The following DHX38 variants were observed in gnomAD, a reference collection of about 807,000 sequenced individuals.
DHX38 encodes pre-mRNA-splicing factor ATP-dependent RNA helicase PRP16.
DHX38 carries 100 observed loss-of-function variants against 153.1 expected under a neutral mutation model. That is an observed-to-expected ratio of 0.65 (90% CI 0.56 to 0.77). DHX38 has a LOEUF of 0.77. Ranked by LOEUF, DHX38 falls within the 30% of genes least tolerant of loss-of-function variation. DHX38 has a pLI of 0.00. For missense variants in DHX38, 1,440 were observed against 1,654.0 expected (o/e 0.87, Z 2.24); for synonymous variants, 650 against 631.7 (o/e 1.03, Z -0.43).
Position 72,096,451 on chromosome 16 carries a change from C to T in DHX38, c.294C>T (p.Asp98=). Reference sequence around the variant, plus strand: ...AGGATGCTGAGGAAGAGGGCGGTGACCAGGCTGGCCAAAATATCCGGAAAG... The same window carrying T: ...AGGATGCTGAGGAAGAGGGCGGTGATCAGGCTGGCCAAAATATCCGGAAAG... ...DQKDAEEEGG[D]QAGQNIRKDR... The change falls in exon 2 of 27, where the codon GAC becomes GAT. Residue 98 remains aspartate, a synonymous_variant. Coordinates refer to ENST00000268482, the MANE Select transcript of DHX38 (RefSeq NM_014003.4). 3 of 1,613,186 alleles carry T rather than the reference C, an allele frequency of 1.9e-6. No individual in the cohort carries two copies. The highest frequency in any genetic ancestry group is 2.5e-6 in the Non-Finnish European group (3 of 1,179,672).
rs768558787 is a variant in DHX38, at chr16:72,106,109, G to C, written c.2592G>C (p.Gln864His). The C allele has an allele frequency of 6.2e-7, 1 of 1,614,144 alleles. No homozygotes were observed. The highest frequency in any genetic ancestry group is 8.5e-7 in the Non-Finnish European group (1 of 1,180,020). Residue 864 changes from glutamine to histidine, a missense_variant, in exon 19 of 27, where the codon CAG becomes CAC. By Grantham distance (24) the Gln-to-His change is conservative (BLOSUM62 0). Around this residue, in one of 6 missense-constraint regions of DHX38, gnomAD observed 543 missense variants for 717.9 expected, o/e 0.76. Transcript: ENST00000268482. ...SGRAGRTGPG[Q>H]CFRLYTQSAY... ...GAGCCGGCAGGACGGGCCCAGGTCAGTGTTTCAGGTAGGAGCCCTGTGCTA... is the reference window on the plus strand; with the variant it reads ...GAGCCGGCAGGACGGGCCCAGGTCACTGTTTCAGGTAGGAGCCCTGTGCTA...
chr16:72,107,783 T>C lies in DHX38; in HGVS notation c.2948T>C (p.Ile983Thr), dbSNP rs2144170828. ...LIVSMLSVPAIFYRPKGREEE... is the reference protein window; with the variant it reads ...LIVSMLSVPATFYRPKGREEE... ...GTTTCCATGCTCTCGGTCCCAGCCA[T>C]CTTCTACAGGCCCAAGGTGGGGCAG... The change falls in exon 21 of 27, where the codon ATC (isoleucine) becomes ACC (threonine). Residue 983 changes from isoleucine to threonine, a missense_variant. Coordinates refer to ENST00000268482, the MANE Select transcript of DHX38 (RefSeq NM_014003.4). The surrounding 1 kb of genome is among the most constrained non-coding windows in gnomAD (Gnocchi z 5.3). 6.2e-7 allele frequency: 1 copy of C among 1,613,812 alleles called. No individual in the cohort carries two copies. The highest frequency in any genetic ancestry group is 1.7e-5 in the Admixed American group (1 of 60,016).
chr16:72,104,131 G>T lies in DHX38; in HGVS notation c.2010G>T (p.Glu670Asp), dbSNP rs1163604909. Residue 670 changes from glutamate to aspartate, a missense_variant and splice_region_variant, in exon 14 of 27, where the codon GAG (glutamate) becomes GAT (aspartate). Around this residue, in one of 6 missense-constraint regions of DHX38, gnomAD observed 543 missense variants for 717.9 expected, o/e 0.76. Transcript: ENST00000268482. This position sits in a 1 kb window ranked among gnomAD's most constrained non-coding sequence, Gnocchi z 4.5. ...NTDVLFGLLR[E>D]VVARRSDLKL... ...ACGTGCTCTTTGGGCTGCTCCGGGAGGTGAGGGCTGTGTGGTTTGGTCTCT... is the reference window on the plus strand; with the variant it reads ...ACGTGCTCTTTGGGCTGCTCCGGGATGTGAGGGCTGTGTGGTTTGGTCTCT... 6.2e-7 allele frequency: 1 copy of T among 1,613,406 alleles called. No homozygotes were observed. Among genetic ancestry groups the T allele is most frequent in the East Asian group, 2.2e-5 (1 of 44,848 alleles).
chr16:72,101,655 A>G, intron 11 of DHX38, 43 bp downstream of exon 11: 5 of 1,511,476 alleles, frequency 3.3e-6, no homozygotes, highest in Non-Finnish European at 4.5e-6. Flanking sequence ...TGCTCCAAAG[A>G]TGGGGGCCCA....
rs746901795 is a variant in DHX38, at chr16:72,111,094, G to C, written c.3599+17G>C. On this transcript the variant is annotated intron_variant, in intron 26 of 26. Transcript: ENST00000268482. ...CAGTGTCAGGTGAGCTCCGGCCTTC[G>C]GGCTCTGGCTGGGGTGGCACCCATC... 7 of 1,546,588 alleles carry C rather than the reference G, an allele frequency of 4.5e-6. No individual in the cohort carries two copies. The highest frequency in any genetic ancestry group is 6.1e-6 in the Non-Finnish European group (7 of 1,145,128).
intron 11 of DHX38, 68 bp from the exon 12 acceptor site, chr16:72,103,006 C>CCGAAGTCCTCATTCCTG: frequency 1.3e-6 from 2 of 1,583,678 alleles, no homozygotes; most frequent in Non-Finnish European, 1.7e-6. Flanking sequence ...GGAAGGAGGG[C>CCGAAGTCCTCATTCCTG]AGCAACCCAA....
rs1402302621 is a variant in DHX38 at position 72,103,100 on chromosome 16, T to A, written c.1526T>A (p.Met509Lys). 1 of 1,614,168 alleles carries A rather than the reference T, an allele frequency of 6.2e-7. No individual in the cohort carries two copies. The highest frequency in any genetic ancestry group is 1.7e-5 in the Admixed American group (1 of 60,020). ...YRTEQKFADH[M>K]KRKSEASSEF... The stretch of plus-strand genomic sequence containing the variant: ...ACAGAGCAGAAGTTTGCAGATCACA[T>A]GAAGAGAAAGAGCGAAGCCAGCAGT... Residue 509 changes from methionine to lysine, a missense_variant, in exon 12 of 27, where the codon ATG becomes AAG. Physicochemically the swap from Met to Lys is moderately conservative, Grantham distance 95. Around this residue, in one of 6 missense-constraint regions of DHX38, gnomAD observed 241 missense variants for 229.5 expected, o/e 1.05. Coordinates refer to ENST00000268482, the MANE Select transcript of DHX38 (RefSeq NM_014003.4).
At chr16:72,105,744 T>C in intron 18 of DHX38, 120 bp downstream of exon 18, 1 of 980,202 alleles carries the variant, frequency 1.0e-6, no homozygotes, top group Non-Finnish European at 1.6e-6. Flanking sequence ...GAAGTGGTGG[T>C]GGTGGTGGGA....
Position 72,112,558 on chromosome 16 carries a change from G to T in DHX38, c.*61G>T. On this transcript the variant is annotated 3_prime_UTR_variant, in exon 27 of 27. Coordinates refer to ENST00000268482, the MANE Select transcript of DHX38 (RefSeq NM_014003.4). The stretch of plus-strand genomic sequence containing the variant: ...TTGGGTCCTCAGCCTTCTGGCGGGA[G>T]CCCTGAGGCTGCGGACAAAGCCCTT... The T allele has an allele frequency of 6.4e-7, 1 of 1,568,122 alleles. No individual in the cohort carries two copies.
intron 7 of DHX38, 40 bp from the exon 8 acceptor site, chr16:72,099,692 A>T: frequency 6.2e-7 from 1 of 1,610,044 alleles, no homozygotes; most frequent in East Asian, 2.2e-5. Flanking sequence ...CATAAACTTG[A>T]TCTGTCCCTC....
At position 72,099,243 on chromosome 16, in the gene DHX38, CGGA is replaced by C. The variant is rs2042064243; in HGVS notation, c.931_933del (p.Glu311del). The C allele has an allele frequency of 3.7e-6, 6 of 1,612,704 alleles. No individual in the cohort carries two copies. The highest frequency in any genetic ancestry group is 5.1e-6 in the Non-Finnish European group (6 of 1,179,580). ...GGCGAAGAAGGAATTTCATTTGACA[CGGA>C]GGAGGAGCGGCAGCAGTGGGAAGAT... On this transcript the variant is annotated inframe_deletion, in exon 7 of 27. Coordinates refer to ENST00000268482, the MANE Select transcript of DHX38 (RefSeq NM_014003.4).
chr16:72,099,788 G>T lies in DHX38; in HGVS notation c.1017G>T (p.Pro339=), dbSNP rs549791947. ...MDEGYDEFHN[P]LAYSSEDYVR... is the part of the protein sequence containing the mutation. ...AGGGCTATGACGAGTTCCACAACCCGCTGGCCTACTCCTCCGAGGACTACG... is the reference window on the plus strand; with the variant it reads ...AGGGCTATGACGAGTTCCACAACCCTCTGGCCTACTCCTCCGAGGACTACG... The change falls in exon 8 of 27, where the codon CCG becomes CCT. Residue 339 remains proline, a synonymous_variant. Coordinates refer to ENST00000268482, the MANE Select transcript of DHX38 (RefSeq NM_014003.4). The T allele has an allele frequency of 7.4e-6, 12 of 1,614,060 alleles. No individual in the cohort carries two copies. The highest frequency in any genetic ancestry group is 4.5e-5 in the East Asian group (2 of 44,894).
At chr16:72,094,854 T>C (rs1406972569) in intron 1 of DHX38, among the ~76,000 whole-genome samples, 1 of 152,264 alleles carries the variant, frequency 6.6e-6, no homozygotes, top group East Asian at 1.9e-4. Context: ...CTGCGTAGAA[T>C]GGCAGTCCAG....
rs1207893161 is a variant in DHX38 at position 72,104,801 on chromosome 16, C to T, written c.2151+175C>T. ...GGACTCGGGGACAAAGGACTCTGCTCTGGGTGAGGTTTTGTTTCATTATTT... is the reference window on the plus strand; with the variant it reads ...GGACTCGGGGACAAAGGACTCTGCTTTGGGTGAGGTTTTGTTTCATTATTT... On this transcript the variant is annotated intron_variant, in intron 15 of 26. Coordinates refer to ENST00000268482, the MANE Select transcript of DHX38 (RefSeq NM_014003.4). This position sits in a 1 kb window ranked among gnomAD's most constrained non-coding sequence, Gnocchi z 4.5. Among the ~76,000 whole-genome samples, 6 of 152,178 alleles carry T rather than the reference C, an allele frequency of 3.9e-5. No individual in the cohort carries two copies. The highest frequency in any genetic ancestry group is 1.4e-4 in the African/African-American group (6 of 41,442).
In DHX38 at chr16:72,104,921, T is replaced by G; in HGVS notation, c.2152-106T>G. On this transcript the variant is annotated intron_variant, in intron 15 of 26. Transcript: ENST00000268482. The surrounding 1 kb of genome is among the most constrained non-coding windows in gnomAD (Gnocchi z 4.5). ...TGTGGAGGTGTGGTGGCCCTCAAAG[T>G]CCATGGCTCCATTCCAGAGCAGTGC... The G allele has an allele frequency of 1.7e-6, 2 of 1,168,428 alleles. No individual in the cohort carries two copies. Among genetic ancestry groups the G allele is most frequent in the Non-Finnish European group, 2.4e-6 (2 of 832,260 alleles). The allele number at this position is 1,168,428 out of a possible 1,614,324, so 72.4% of individuals were successfully genotyped here. A position where few individuals can be genotyped will look rare whatever the true frequency, so the allele number is the denominator to read the frequency against.
intron 23 of DHX38, 62 bp downstream of exon 23, chr16:72,108,669 C>G: frequency 1.3e-6 from 2 of 1,593,088 alleles, no homozygotes; most frequent in Non-Finnish European, 1.7e-6. Flanking sequence ...CAAAGTTCTT[C>G]CTTTGTCCTG....
In DHX38 at chr16:72,096,286, T is replaced by A. The variant is rs754370041; in HGVS notation, c.129T>A (p.Ala43=). Residue 43 remains alanine, a synonymous_variant, in exon 2 of 27, where the codon GCT becomes GCA. Coordinates refer to ENST00000268482, the MANE Select transcript of DHX38 (RefSeq NM_014003.4). ...AGCAGCATGTCTTCAAGGCTCCTGC[T>A]CCCCGCCCTTCATTACTCGGACTGG... ...ASEQHVFKAP[A]PRPSLLGLDL... is the part of the protein sequence containing the mutation. 3.1e-6 allele frequency: 5 copies of A among 1,614,038 alleles called. No individual in the cohort carries two copies. The Admixed American group carries it at 8.3e-5, about 27-fold the overall frequency.
At chr16:72,095,317 A>G (rs2041996010) in intron 1 of DHX38, among the ~76,000 whole-genome samples, 1 of 152,204 alleles carries the variant, frequency 6.6e-6, no homozygotes, top group African/African-American at 2.4e-5. Context: ...TTTGGTGAAC[A>G]TGGATTGTTA....
chr16:72,108,359 A>G lies in DHX38; in HGVS notation c.3097A>G (p.Ile1033Val), dbSNP rs756141729. Residue 1033 changes from isoleucine (I) to valine (V), a missense_variant, in exon 22 of 27, where the codon ATC becomes GTC. Ile to Val is a conservative substitution (Grantham distance 29, BLOSUM62 3). This residue lies in a region of DHX38 where 543 missense variants were observed against 717.9 expected (regional missense o/e 0.76). Coordinates refer to ENST00000268482, the MANE Select transcript of DHX38 (RefSeq NM_014003.4). ...CACCATCTGGTGTAACGATCATTTC[A>G]TCCATGCTAAGGCCATGCGGAAGGT... is the stretch of plus-strand genomic sequence containing the variant. ...YSTIWCNDHF[I>V]HAKAMRKVRE... 2 of 1,614,164 alleles carry G rather than the reference A, an allele frequency of 1.2e-6. No individual in the cohort carries two copies. The highest frequency in any genetic ancestry group is 3.3e-5 in the Admixed American group (2 of 60,024).
Sources: allele counts gnomAD v4.1 joint callset (sites outside exome capture counted in the v4.1 genomes callset), GRCh38; gene constraint gnomAD v4.1.1; regional missense constraint gnomAD v4.1.1; non-coding constraint Gnocchi (gnomAD v3.1); transcripts MANE v1.5; gene names NCBI Gene and HGNC (gene_info 2026-07-23, HGNC 2026-07-21).